Variants in RORB observed in about 807,000 individuals in gnomAD.
RORB encodes nuclear receptor ROR-beta.
RORB carries 6 observed loss-of-function variants against 59.1 expected under a neutral mutation model. That is an observed-to-expected ratio of 0.10 (90% CI 0.06 to 0.20). RORB has a LOEUF of 0.20. Ranked by LOEUF, RORB falls within the 10% of genes least tolerant of loss-of-function variation. RORB has a pLI of 1.00. For synonymous variants in RORB, 215 were observed against 204.5 expected (o/e 1.05, Z -0.44); for missense variants, 320 against 560.5 (o/e 0.57, Z 4.33).
At chr9:74,670,769 C>T (rs966020799) in intron 8 of RORB, among the ~76,000 whole-genome samples, 7 of 152,138 alleles carry the variant, frequency 4.6e-5, no homozygotes, top group Non-Finnish European at 1.0e-4. Context: ...CTTCAAACAG[C>T]TTAGGGAAGG....
At chr9:74,681,217 A>G (rs1824542055) in intron 9 of RORB, among the ~76,000 whole-genome samples, 1 of 152,174 alleles carries the variant, frequency 6.6e-6, no homozygotes, top group Non-Finnish European at 1.5e-5. Flanking sequence ...TGAGCTATTA[A>G]CTGCTGTGGA....
chr9:74,514,164 C>A (rs971295673), intron 1 of RORB, among the ~76,000 whole-genome samples: 6 of 152,046 alleles, frequency 3.9e-5, no homozygotes. Context: ...TTATTTCACT[C>A]AAGTTTTTGA....
At chr9:74,682,243 G>T (rs1406466011) in intron 9 of RORB, among the ~76,000 whole-genome samples, 1 of 138,808 alleles carries the variant, frequency 7.2e-6, no homozygotes, top group Non-Finnish European at 1.5e-5. Context: ...CTGAGAGGTT[G>T]TTCCCCTTCC....
intron 1 of RORB, among the ~76,000 whole-genome samples, chr9:74,507,401 T>C (rs541417353): frequency 3.4e-4 from 52 of 152,242 alleles, no homozygotes; most frequent in Admixed American, 3.1e-3. Context: ...AATGCAGACA[T>C]ACTATTGTTA....
intron 1 of RORB, among the ~76,000 whole-genome samples, chr9:74,549,058 T>C (rs1305559899): frequency 6.6e-6 from 1 of 152,236 alleles, no homozygotes; most frequent in Non-Finnish European, 1.5e-5. Context: ...TTGCATCAAA[T>C]GGTATCTGTG....
At chr9:74,618,693 C>T (rs1444038986) in intron 1 of RORB, among the ~76,000 whole-genome samples, 1 of 152,076 alleles carries the variant, frequency 6.6e-6, no homozygotes, top group Non-Finnish European at 1.5e-5. Flanking sequence ...GAATGAGAAA[C>T]AGCGTGTATG....
chr9:74,663,011 G>T (rs1824214296), intron 6 of RORB, among the ~76,000 whole-genome samples: 1 of 151,500 alleles, frequency 6.6e-6, no homozygotes. Flanking sequence ...AATGAGGATA[G>T]CCTGCAGCCA....
At position 74,662,813 on chromosome 9, in the gene RORB, A is replaced by C. The variant is rs191264787; in HGVS notation, c.892+207A>C. Among the ~76,000 whole-genome samples, 12 of 152,310 alleles carry C rather than the reference A, an allele frequency of 7.9e-5. No individual in the cohort carries two copies. In the East Asian group the frequency reaches 2.3e-3, roughly 29 times the overall value. ...TTTGAAGTCAAATACAATTTTGCTTATTGAAAGTGGAGCTATTAATTGCGG... is the reference window on the plus strand; with the variant it reads ...TTTGAAGTCAAATACAATTTTGCTTCTTGAAAGTGGAGCTATTAATTGCGG... On this transcript the variant is annotated intron_variant, in intron 6 of 9. Coordinates refer to ENST00000376896, the MANE Select transcript of RORB (RefSeq NM_006914.4).
rs1274787750 is a variant in RORB at position 74,674,675 on chromosome 9, G to A, written c.1224+2774G>A. Among the ~76,000 whole-genome samples, 4 of 152,148 alleles carry A rather than the reference G, an allele frequency of 2.6e-5. No individual in the cohort carries two copies. In the South Asian group the frequency reaches 8.3e-4, roughly 32 times the overall value. On this transcript the variant is annotated intron_variant, in intron 9 of 9. Coordinates refer to ENST00000376896, the MANE Select transcript of RORB (RefSeq NM_006914.4). ...GAAGGTTTGAAAATTTGGGGATTAT[G>A]TATCCTAACATTAACTAGAAGATTT...
chr9:74,551,239 T>C (rs1361704231), intron 1 of RORB, among the ~76,000 whole-genome samples: 1 of 152,244 alleles, frequency 6.6e-6, no homozygotes, highest in East Asian at 1.9e-4. Flanking sequence ...ATATACAGTA[T>C]GATTTTTCCT....
chr9:74,682,272 G>C (rs773156586), intron 9 of RORB, among the ~76,000 whole-genome samples: 33 of 136,768 alleles, frequency 2.4e-4, no homozygotes, highest in Non-Finnish European at 5.0e-4. Flanking sequence ...TGTGTTCACC[G>C]GGGCCTGTTG....
rs965934315 is a variant in RORB at position 74,527,470 on chromosome 9, C to T, written c.7+29487C>T. On this transcript the variant is annotated intron_variant, in intron 1 of 9. Transcript: ENST00000376896. ...CAAGTAAAATTGAAAGTATTTGTGA[C>T]AATGGTAAGTTCTACAAAGAATAAT... Among the ~76,000 whole-genome samples, 5 of 151,822 alleles carry T rather than the reference C, an allele frequency of 3.3e-5. 1 individual carries two copies. Among genetic ancestry groups the T allele is most frequent in the African/African-American group, 1.2e-4 (5 of 41,338 alleles).
chr9:74,635,261 G>A (rs1042749117), intron 3 of RORB, among the ~76,000 whole-genome samples: 1 of 152,164 alleles, frequency 6.6e-6, no homozygotes, highest in African/African-American at 2.4e-5. Flanking sequence ...GCTACCCAGA[G>A]GAGGAATTGG....
intron 1 of RORB, among the ~76,000 whole-genome samples, chr9:74,539,100 T>C (rs1011133295): frequency 2.0e-5 from 3 of 152,198 alleles, no homozygotes; most frequent in Non-Finnish European, 2.9e-5. Flanking sequence ...AAGTTCATTT[T>C]CTATGAAGGT....
chr9:74,579,871 AGTTCCC>A, intron 1 of RORB, among the ~76,000 whole-genome samples: 1 of 152,176 alleles, frequency 6.6e-6, no homozygotes, highest in East Asian at 1.9e-4. Flanking sequence ...GTTTTACAGT[AGTTCCC>A]TCTTATCCAC....
At chr9:74,613,597 A>G (rs1396163082) in intron 1 of RORB, among the ~76,000 whole-genome samples, 1 of 152,172 alleles carries the variant, frequency 6.6e-6, no homozygotes, top group Non-Finnish European at 1.5e-5. Context: ...GTAAGAAGGA[A>G]ATCCCTGGAC....
At chr9:74,613,752 A>G (rs1459591684) in intron 1 of RORB, among the ~76,000 whole-genome samples, 1 of 152,212 alleles carries the variant, frequency 6.6e-6, no homozygotes, top group Non-Finnish European at 1.5e-5. Context: ...ATCAAAAAGC[A>G]GTTCTACTAC....
At chr9:74,614,472 T>G (rs118003007) in intron 1 of RORB, among the ~76,000 whole-genome samples, 1 of 152,118 alleles carries the variant, frequency 6.6e-6, no homozygotes, top group Non-Finnish European at 1.5e-5. Context: ...CAAGGAGGAA[T>G]GGGTAATTAT....
chr9:74,585,807 T>TTTATTTATTTATTTAC (rs2118270129), intron 1 of RORB, among the ~76,000 whole-genome samples: 1 of 151,870 alleles, frequency 6.6e-6, no homozygotes, highest in Admixed American at 6.6e-5. Flanking sequence ...TATTTATTTA[T>TTTATTTATTTATTTAC]TTATTGAGAC....
Sources: allele counts gnomAD v4.1 joint callset (sites outside exome capture counted in the v4.1 genomes callset), GRCh38; gene constraint gnomAD v4.1.1; transcripts MANE v1.5; gene names NCBI Gene and HGNC (gene_info 2026-07-23, HGNC 2026-07-21).